The following STS variants were observed in gnomAD, a reference collection of about 807,000 sequenced individuals.
The protein encoded by STS is steroid sulfatase, also known as steryl-sulfatase.
Under a neutral mutation model 26.8 loss-of-function variants are expected in STS, and 7 were observed. The observed-to-expected ratio is 0.26, with a 90% confidence interval of 0.15 to 0.49. The LOEUF (loss-of-function observed/expected upper bound fraction) is 0.49. Among genes scored for constraint, STS ranks in the 20% least tolerant of loss-of-function variants. STS has a pLI of 0.98. For synonymous variants in STS, 199 were observed against 189.4 expected, an observed-to-expected ratio of 1.05 and a Z score of -0.42; for missense variants, 434 against 465.6, an observed-to-expected ratio of 0.93 and a Z score of 0.63.
chrX:7,197,098 G>GTCT (rs756755331), intron 2 of STS, among the ~76,000 whole-genome samples: 26 of 111,212 alleles, frequency 2.3e-4, no homozygotes, highest in Non-Finnish European at 4.3e-4. Context: ...TACCCAGGCT[G>GTCT]TCTTCCCCTC....
Position 7,259,599 on chromosome X carries a change from T to C in STS, c.633T>C (p.Phe211=). The C allele has an allele frequency of 8.3e-7, 1 of 1,211,493 alleles. No individual in the cohort carries two copies. The change falls in exon 6 of 11, where the codon TTT becomes TTC. Residue 211 remains phenylalanine, a synonymous_variant. Transcript: ENST00000674429. ...TACTCCACGTGCCTCTAGGCGTTTT[T>C]TTCAGCCTTCTCTTCCTAGCAGCCC... The part of the protein sequence containing the change: ...LGLLHVPLGV[F]FSLLFLAALI...
chrX:7,228,291 G>A (rs1187413558), intron 2 of STS, among the ~76,000 whole-genome samples: 3 of 111,460 alleles, frequency 2.7e-5, no homozygotes, highest in Non-Finnish European at 1.9e-5. Context: ...AATTTGTCAA[G>A]GAAATTCTGT....
intron 2 of STS, among the ~76,000 whole-genome samples, chrX:7,223,008 G>T (rs951971642): frequency 1.2e-4 from 13 of 111,681 alleles, no homozygotes; most frequent in African/African-American, 4.2e-4. Context: ...TGCAGTATTT[G>T]ACTTTCTGAG....
chrX:7,276,194 A>C, intron 7 of STS, 107 bp downstream of exon 7: 1 of 1,034,784 alleles, frequency 9.7e-7, no homozygotes, highest in African/African-American at 1.8e-5. Flanking sequence ...TAGAGACAGC[A>C]AATGTATGGG....
chrX:7,299,652 A>G (rs1925871170), intron 7 of STS, among the ~76,000 whole-genome samples: 1 of 110,478 alleles, frequency 9.1e-6, no homozygotes, highest in Non-Finnish European at 1.9e-5. Flanking sequence ...CTAAAATGAC[A>G]AGGATTTGGT....
intron 2 of STS, among the ~76,000 whole-genome samples, chrX:7,241,285 G>A (rs1307861498): frequency 1.8e-5 from 2 of 111,745 alleles, no homozygotes; most frequent in African/African-American, 6.5e-5. Context: ...CAATTTTTGT[G>A]TACAAAAATC....
At chrX:7,284,279 T>C (rs1925020602) in intron 7 of STS, among the ~76,000 whole-genome samples, 1 of 111,943 alleles carries the variant, frequency 8.9e-6, no homozygotes, top group Non-Finnish European at 1.9e-5. Context: ...TTCAGGTTTT[T>C]AACAGGTTTC....
chrX:7,193,227 AG>A (rs1933910295), intron 2 of STS, among the ~76,000 whole-genome samples: 1 of 112,267 alleles, frequency 8.9e-6, no homozygotes, highest in African/African-American at 3.2e-5. Context: ...GTTCTTTAAA[AG>A]GATTGTGTGT....
intron 1 of STS, among the ~76,000 whole-genome samples, chrX:7,173,076 G>A (rs1301918020): frequency 9.0e-6 from 1 of 110,679 alleles, no homozygotes; most frequent in Non-Finnish European, 1.9e-5. Context: ...CATTTTCCTG[G>A]TGCTCTACCC....
intron 1 of STS, 120 bp downstream of exon 1, chrX:7,148,203 C>A: frequency 1.9e-6 from 1 of 531,959 alleles, no homozygotes; most frequent in South Asian, 4.6e-5. Flanking sequence ...CCTTCTCGCG[C>A]GCCCGGGGTC....
chrX:7,319,978 GTA>G (rs1213640200), intron 8 of STS, among the ~76,000 whole-genome samples: 8 of 81,908 alleles, frequency 9.8e-5, no homozygotes, highest in Admixed American at 3.0e-4. Flanking sequence ...TTATATATAT[GTA>G]TATATATTTA....
At chrX:7,298,121 A>G (rs1184010882) in intron 7 of STS, among the ~76,000 whole-genome samples, 1 of 111,799 alleles carries the variant, frequency 8.9e-6, no homozygotes, top group African/African-American at 3.2e-5. Context: ...GGGAAAAGCC[A>G]TACAAACACC....
chrX:7,304,013 A>G (rs1038490838), intron 7 of STS, among the ~76,000 whole-genome samples: 2 of 110,827 alleles, frequency 1.8e-5, no homozygotes, highest in African/African-American at 3.3e-5. Context: ...CACCACCTCC[A>G]TTTCATCTAC....
chrX:7,147,352 G>A (rs1932888292), upstream of STS, among the ~76,000 whole-genome samples: 1 of 111,393 alleles, frequency 9.0e-6, no homozygotes, highest in African/African-American at 3.3e-5. Context: ...ACTGTTGACG[G>A]CGCGGGATAA....
intron 7 of STS, among the ~76,000 whole-genome samples, chrX:7,279,361 A>ATGTGTGTG (rs149132899): frequency 1.2e-5 from 1 of 80,747 alleles, no homozygotes; most frequent in African/African-American, 5.1e-5. Context: ...GTGTGTGTAT[A>ATGTGTGTG]TGTGTGTGTG....
At chrX:7,277,638 C>CT (rs1924605048) in intron 7 of STS, among the ~76,000 whole-genome samples, 1 of 111,220 alleles carries the variant, frequency 9.0e-6, no homozygotes, top group Non-Finnish European at 1.9e-5. Flanking sequence ...TTCTGAGGTT[C>CT]TTTTTTTCTC....
intron 2 of STS, among the ~76,000 whole-genome samples, chrX:7,233,988 G>A (rs746514785): frequency 1.3e-4 from 15 of 111,981 alleles, no homozygotes; most frequent in South Asian, 7.5e-4. Flanking sequence ...TAAATGTGTG[G>A]AAGCACTTCA....
At chrX:7,204,097 C>G (rs1275582956) in intron 2 of STS, among the ~76,000 whole-genome samples, 1 of 112,071 alleles carries the variant, frequency 8.9e-6, no homozygotes, top group Non-Finnish European at 1.9e-5. Flanking sequence ...GATTGTTTTT[C>G]ACATTTGTGC....
intron 7 of STS, among the ~76,000 whole-genome samples, chrX:7,294,714 G>A (rs1420234062): frequency 8.9e-6 from 1 of 111,749 alleles, no homozygotes; most frequent in East Asian, 2.8e-4. Flanking sequence ...AGCAACTTGT[G>A]TCAGGATTGC....
Sources: allele counts gnomAD v4.1 joint callset (sites outside exome capture counted in the v4.1 genomes callset), GRCh38; gene constraint gnomAD v4.1.1; transcripts MANE v1.5; gene names NCBI Gene and HGNC (gene_info 2026-07-23, HGNC 2026-07-21).